CCND3: variants seen among roughly 807,000 people sequenced by gnomAD.
CCND3 encodes cyclin D3, also known as G1/S-specific cyclin-D3.
CCND3 carries 9 observed loss-of-function variants against 28.7 expected under a neutral mutation model. That is an observed-to-expected ratio of 0.31 (90% confidence interval 0.19 to 0.55). The LOEUF (loss-of-function observed/expected upper bound fraction) is 0.55. CCND3 is among the 20% of genes least tolerant of loss of function. CCND3 has a pLI of 0.93. For missense variants in CCND3, 315 were observed against 385.8 expected (o/e 0.82, Z 1.54); for synonymous variants, 164 against 163.9 (o/e 1.00, Z 0.00).
chr6:41,953,219 C>T lies in CCND3; in HGVS notation c.-45-12634G>A, dbSNP rs566147528. 2.3e-3 allele frequency among the ~76,000 whole-genome samples: 339 copies of T among 150,624 alleles called. 4 individuals are homozygous for T. Among genetic ancestry groups the T allele is most frequent in the Non-Finnish European group, 2.5e-3 (166 of 67,720 alleles). The stretch of plus-strand genomic sequence containing the variant: ...GGCGGAGGTTGCAGTGAGCCGAGAT[C>T]GCGCCACTGCACTCCAGCCTGGGTG... On this transcript the variant is annotated intron_variant, in intron 1 of 4. Transcript: ENST00000372988.
chr6:41,957,704 C>A (rs1299562981), intron 1 of CCND3, among the ~76,000 whole-genome samples: 2 of 152,160 alleles, frequency 1.3e-5, no homozygotes, highest in African/African-American at 4.8e-5. Context: ...GGAAGAGGTA[C>A]CCTGCATGAA....
At chr6:41,978,904 G>A (rs529732040) in intron 1 of CCND3, among the ~76,000 whole-genome samples, 2 of 152,148 alleles carry the variant, frequency 1.3e-5, no homozygotes, top group African/African-American at 4.8e-5. Flanking sequence ...CTGGCTGGGT[G>A]GGGTGGCTCA....
intron 1 of CCND3, among the ~76,000 whole-genome samples, chr6:42,045,108 T>C (rs1764504793): frequency 6.6e-6 from 1 of 152,006 alleles, no homozygotes; most frequent in South Asian, 2.1e-4. Flanking sequence ...CCAGTGGCTA[T>C]CCTTTCTTAA....
At chr6:42,005,120 C>T (rs1184221378) in intron 1 of CCND3, among the ~76,000 whole-genome samples, 1 of 152,146 alleles carries the variant, frequency 6.6e-6, no homozygotes, top group Non-Finnish European at 1.5e-5. Flanking sequence ...AGGTTAATGT[C>T]ACTAATGAGC....
intron 1 of CCND3, among the ~76,000 whole-genome samples, chr6:41,955,650 A>AC (rs1162324187): frequency 2.8e-5 from 3 of 108,474 alleles, no homozygotes; most frequent in Non-Finnish European, 4.1e-5. Flanking sequence ...CCCTATCTCT[A>AC]CAAAAAAAAA....
intron 1 of CCND3, among the ~76,000 whole-genome samples, chr6:42,036,276 AGCCACCATGCCTG>A: frequency 6.9e-6 from 1 of 145,748 alleles, no homozygotes; most frequent in East Asian, 2.0e-4. Context: ...TACAGGTGTG[AGCCACCATGCCTG>A]GCCTAAAAAT....
upstream of CCND3, among the ~76,000 whole-genome samples, chr6:41,944,622 A>G (rs888226804): frequency 6.6e-6 from 1 of 152,054 alleles, no homozygotes; most frequent in African/African-American, 2.4e-5. Flanking sequence ...GGATTTCACC[A>G]TGTTGGCCAG....
At chr6:41,994,111 C>T (rs1008029555) in intron 1 of CCND3, among the ~76,000 whole-genome samples, 5 of 150,188 alleles carry the variant, frequency 3.3e-5, no homozygotes, top group South Asian at 2.1e-4. Flanking sequence ...GCATATATGA[C>T]GGTGGTCCCA....
In CCND3 at chr6:41,939,626, G is replaced by A. The variant is rs1047871382; in HGVS notation, c.414+744C>T. The stretch of plus-strand genomic sequence containing the variant: ...ATGAAAGACCTTGGTCAGAGAGGGC[G>A]GGCCAGGGGAGGGGGCACCATTATC... On this transcript the variant is annotated intron_variant, in intron 2 of 4. Transcript: ENST00000372991. The surrounding 1 kb of genome is among the most constrained non-coding windows in gnomAD (Gnocchi z 4.2). 2.6e-5 allele frequency among the ~76,000 whole-genome samples: 4 copies of A among 152,108 alleles called. No homozygotes were observed. Among genetic ancestry groups the A allele is most frequent in the Non-Finnish European group, 4.4e-5 (3 of 68,010 alleles).
At chr6:42,042,220 A>C (rs917017901) in intron 1 of CCND3, among the ~76,000 whole-genome samples, 1 of 152,100 alleles carries the variant, frequency 6.6e-6, no homozygotes, top group Non-Finnish European at 1.5e-5. Flanking sequence ...CACCCCGAGG[A>C]CCTCTATCTG....
Position 41,936,724 on chromosome 6 carries a change from A to G in CCND3, c.575-29T>C. 1 of 1,607,200 alleles carries G rather than the reference A, an allele frequency of 6.2e-7. No individual in the cohort carries two copies. Among genetic ancestry groups the G allele is most frequent in the South Asian group, 1.1e-5 (1 of 90,614 alleles). ...GGAGAGGAGGAAAGGGAACCATGAG[A>G]GAAGGAAACCTGAAGGATAACGGCC... On this transcript the variant is annotated intron_variant, in intron 3 of 4. Transcript: ENST00000372991. This position sits in a 1 kb window ranked among gnomAD's most constrained non-coding sequence, Gnocchi z 4.4.
chr6:41,945,303 C>A (rs1219961844), upstream of CCND3, among the ~76,000 whole-genome samples: 1 of 152,182 alleles, frequency 6.6e-6, no homozygotes, highest in Admixed American at 6.5e-5. Flanking sequence ...CACCTGAAGT[C>A]AGGAGTTCGA....
intron 1 of CCND3, among the ~76,000 whole-genome samples, chr6:42,029,091 C>T (rs189154566): frequency 7.7e-4 from 117 of 152,022 alleles, no homozygotes; most frequent in African/African-American, 2.6e-3. Flanking sequence ...ATTGTCTCAC[C>T]TCAGCCTGCT....
intron 1 of CCND3, among the ~76,000 whole-genome samples, chr6:41,971,461 A>AT (rs1762029956): frequency 6.6e-6 from 1 of 151,874 alleles, no homozygotes; most frequent in African/African-American, 2.4e-5. Context: ...TATAATCCCC[A>AT]TTTTGTGGAT....
intron 1 of CCND3, among the ~76,000 whole-genome samples, chr6:41,951,567 C>A (rs71558773): frequency 0.33 from 18,321 of 54,750 alleles, 4,398 homozygotes; most frequent in African/African-American, 0.46. Flanking sequence ...CACACACACA[C>A]ACACACACAA....
At chr6:42,011,829 T>C (rs1763353719) in intron 1 of CCND3, among the ~76,000 whole-genome samples, 1 of 152,144 alleles carries the variant, frequency 6.6e-6, no homozygotes, top group Admixed American at 6.5e-5. Context: ...TCACCGGTGC[T>C]GAGCTCCCTT....
chr6:41,967,667 A>T (rs963410246), intron 1 of CCND3, among the ~76,000 whole-genome samples: 13 of 152,214 alleles, frequency 8.5e-5, no homozygotes, highest in African/African-American at 3.1e-4. Flanking sequence ...AGTAGTGAAG[A>T]TCACACTTGG....
chr6:41,954,517 A>T (rs1776393974), intron 1 of CCND3, among the ~76,000 whole-genome samples: 1 of 149,810 alleles, frequency 6.7e-6, no homozygotes, highest in Non-Finnish European at 1.5e-5. Context: ...GCGCCATTGC[A>T]CTCCAGCCTG....
intron 1 of CCND3, among the ~76,000 whole-genome samples, chr6:42,033,201 C>T (rs553891648): frequency 2.6e-5 from 4 of 152,116 alleles, no homozygotes; most frequent in Admixed American, 6.6e-5. Flanking sequence ...CCTGTAATTC[C>T]AGCACTTTGG....
Sources: allele counts gnomAD v4.1 joint callset (sites outside exome capture counted in the v4.1 genomes callset), GRCh38; gene constraint gnomAD v4.1.1; non-coding constraint Gnocchi (gnomAD v3.1); transcripts MANE v1.5; gene names NCBI Gene and HGNC (gene_info 2026-07-23, HGNC 2026-07-21).